Variants in ATP8A1 observed in about 807,000 individuals in gnomAD.
The protein encoded by ATP8A1 is phospholipid-transporting ATPase IA.
In ATP8A1, 90 loss-of-function variants were observed where a neutral mutation model predicts 177.7. The observed-to-expected ratio is 0.51, with a 90% CI of 0.43 to 0.60. The LOEUF is 0.60. Among genes scored for constraint, ATP8A1 ranks in the 20% least tolerant of loss-of-function variants. The probability of loss-of-function intolerance (pLI) is 0.00; values close to 1 mark genes in which losing one functional copy is unlikely to be tolerated. For missense variants in ATP8A1, 1,072 were observed against 1,392.8 expected (o/e 0.77, Z 3.67); for synonymous variants, 493 against 485.9 (o/e 1.01, Z -0.19).
chr4:42,614,865 CCT>C (rs1736742359), intron 5 of ATP8A1, among the ~76,000 whole-genome samples: 2 of 152,176 alleles, frequency 1.3e-5, no homozygotes, highest in South Asian at 4.1e-4. Flanking sequence ...CTTCTCCATT[CCT>C]CTCTGTTCAT....
chr4:42,416,625 C>G (rs1223361837), intron 35 of ATP8A1, among the ~76,000 whole-genome samples: 1 of 152,102 alleles, frequency 6.6e-6, no homozygotes, highest in Non-Finnish European at 1.5e-5. Flanking sequence ...AGATCATGGG[C>G]TCTGGAGTAG....
In ATP8A1 at chr4:42,574,644, ACTT is replaced by A. The variant is rs1391288799; in HGVS notation, c.1267_1269del (p.Lys423del). The A allele has an allele frequency of 6.2e-7, 1 of 1,609,848 alleles. No homozygotes were observed. The highest frequency in any genetic ancestry group is 1.3e-5 in the African/African-American group (1 of 74,726). ...CCATAAGCAACTCCCGCTATGGTGC[ACTT>A]CTTAAACTGCATTACATTGCATGTC... is the stretch of plus-strand genomic sequence containing the variant. On this transcript the variant is annotated inframe_deletion, in exon 14 of 37. Coordinates refer to ENST00000381668, the MANE Select transcript of ATP8A1 (RefSeq NM_006095.2).
intron 22 of ATP8A1, among the ~76,000 whole-genome samples, chr4:42,520,215 CAATTT>C: frequency 6.6e-6 from 1 of 152,066 alleles, no homozygotes; most frequent in Admixed American, 6.6e-5. Context: ...CAAGTGGAAA[CAATTT>C]AATATGTTTA....
intron 5 of ATP8A1, among the ~76,000 whole-genome samples, chr4:42,602,439 G>C (rs1229247164): frequency 6.6e-6 from 1 of 152,162 alleles, no homozygotes; most frequent in East Asian, 1.9e-4. Context: ...CCAACAGTAT[G>C]TTCCTCAAAA....
intron 22 of ATP8A1, among the ~76,000 whole-genome samples, chr4:42,509,544 T>A (rs944924355): frequency 2.0e-5 from 3 of 152,170 alleles, no homozygotes; most frequent in African/African-American, 4.8e-5. Context: ...ACTTGGTTCA[T>A]CCTCTAAAAC....
chr4:42,528,882 A>C (rs916904563), intron 20 of ATP8A1, among the ~76,000 whole-genome samples: 1 of 152,162 alleles, frequency 6.6e-6, no homozygotes, highest in African/African-American at 2.4e-5. Context: ...CCTGACTAAA[A>C]TTAAGGGACC....
intron 1 of ATP8A1, 79 bp downstream of exon 1, chr4:42,656,746 T>C (rs1741672130): frequency 1.6e-5 from 22 of 1,397,338 alleles, no homozygotes; most frequent in Non-Finnish European, 2.1e-5. Context: ...ATGCGGTCTC[T>C]TCCAGGATAA....
rs113437832 is a variant in ATP8A1 at position 42,639,156 on chromosome 4, T to G, written c.50-12047A>C. On this transcript the variant is annotated intron_variant, in intron 1 of 36. Coordinates refer to ENST00000381668, the MANE Select transcript of ATP8A1 (RefSeq NM_006095.2). Reference sequence around the variant, plus strand: ...AAGGCGGGGAGGTGGTCAGGGAGGGTTGAAGGAGTTGTATTTAGAGACCAC... The same window carrying G: ...AAGGCGGGGAGGTGGTCAGGGAGGGGTGAAGGAGTTGTATTTAGAGACCAC... Among the ~76,000 whole-genome samples the G allele has an allele frequency of 3.0e-3, 450 of 151,736 alleles. 1 individual carries two copies. Among genetic ancestry groups the G allele is most frequent in the African/African-American group, 9.9e-3 (409 of 41,346 alleles).
intron 30 of ATP8A1, 105 bp from the exon 31 acceptor site, chr4:42,446,749 C>T: frequency 2.3e-6 from 2 of 865,474 alleles, no homozygotes; most frequent in African/African-American, 1.7e-5. Context: ...TCAAGGGATA[C>T]ACAATGGAGC....
At chr4:42,446,010 G>A (rs1342995918) in intron 31 of ATP8A1, among the ~76,000 whole-genome samples, 1 of 145,550 alleles carries the variant, frequency 6.9e-6, no homozygotes, top group African/African-American at 2.5e-5. Context: ...AACCCATGAG[G>A]CAGAGGCTGC....
chr4:42,488,686 C>T (rs754902001), intron 24 of ATP8A1, among the ~76,000 whole-genome samples: 6 of 152,140 alleles, frequency 3.9e-5, no homozygotes, highest in Non-Finnish European at 7.4e-5. Context: ...CTTTCCTTCC[C>T]AGTGCCCTTC....
At position 42,575,501 on chromosome 4, in the gene ATP8A1, T is replaced by C. The variant is rs1030216167; in HGVS notation, c.1206+121A>G. 2.9e-5 allele frequency: 22 copies of C among 759,616 alleles called. No individual in the cohort carries two copies. The Admixed American group carries it at 4.6e-4, about 16-fold the overall frequency. 47.1% of individuals were successfully genotyped at this position (759,616 alleles called of 1,614,324 possible). On this transcript the variant is annotated intron_variant, in intron 13 of 36. Transcript: ENST00000381668. The stretch of plus-strand genomic sequence containing the variant: ...ATTGTTCATCATGCACTAACAAATA[T>C]ATTATTCAAATAGTGGAAAATTAAA...
chr4:42,550,714 T>C (rs1729417325), intron 18 of ATP8A1, among the ~76,000 whole-genome samples: 1 of 152,208 alleles, frequency 6.6e-6, no homozygotes, highest in Non-Finnish European at 1.5e-5. Context: ...GGAGAATCAC[T>C]TGGGTAGGTA....
At chr4:42,571,561 C>G (rs1577613874) in intron 14 of ATP8A1, among the ~76,000 whole-genome samples, 3 of 151,666 alleles carry the variant, frequency 2.0e-5, no homozygotes, top group Admixed American at 2.0e-4. Flanking sequence ...AAACTGCTTA[C>G]CTATTCCGGG....
At chr4:42,436,472 C>T (rs534462164) in intron 33 of ATP8A1, among the ~76,000 whole-genome samples, 1 of 152,350 alleles carries the variant, frequency 6.6e-6, no homozygotes, top group Non-Finnish European at 1.5e-5. Context: ...ATACCCATGT[C>T]TCCCTTTTCC....
At chr4:42,479,017 C>A (rs944360392) in intron 25 of ATP8A1, among the ~76,000 whole-genome samples, 1 of 152,178 alleles carries the variant, frequency 6.6e-6, no homozygotes, top group African/African-American at 2.4e-5. Context: ...CTTGGAGAGA[C>A]TAGGAGAGCT....
rs1341792883 is a variant in ATP8A1, at chr4:42,507,172, T to C, written c.1948-18A>G. The C allele has an allele frequency of 6.2e-7, 1 of 1,610,676 alleles. No homozygotes were observed. The highest frequency in any genetic ancestry group is 2.2e-5 in the East Asian group (1 of 44,826). The stretch of plus-strand genomic sequence containing the variant: ...TGAAGATTCTGAAAAAAATTAGTGG[T>C]AGAAATGTTTTAAAAATCCGTTCAT... On this transcript the variant is annotated intron_variant, in intron 22 of 36. Transcript: ENST00000381668.
chr4:42,492,559 T>C (rs1722840912), intron 24 of ATP8A1, among the ~76,000 whole-genome samples: 3 of 152,158 alleles, frequency 2.0e-5, no homozygotes, highest in Admixed American at 1.3e-4. Flanking sequence ...AAGAAGACAC[T>C]GTCTATGAAC....
rs990211525 is a variant in ATP8A1 at position 42,411,871 on chromosome 4, C to G, written c.*1045G>C. ...TCACCATAACACTGGGTGTGCTACACAAGACACAGGCATCTCTAGTGGGAA... is the reference window on the plus strand; with the variant it reads ...TCACCATAACACTGGGTGTGCTACAGAAGACACAGGCATCTCTAGTGGGAA... On this transcript the variant is annotated 3_prime_UTR_variant, in exon 37 of 37. Coordinates refer to ENST00000381668, the MANE Select transcript of ATP8A1 (RefSeq NM_006095.2). 16 of 152,202 alleles carry G rather than the reference C, an allele frequency of 1.1e-4. No homozygotes were observed. Among genetic ancestry groups the G allele is most frequent in the African/African-American group, 3.9e-4 (16 of 41,456 alleles). 9.4% of individuals were successfully genotyped at this position (152,202 alleles called of 1,614,324 possible). A position where few individuals can be genotyped will look rare whatever the true frequency, so the allele number is the denominator to read the frequency against.
Sources: gnomAD v4.1 joint callset for allele counts (sites outside exome capture counted in the v4.1 genomes callset) on GRCh38, gnomAD v4.1.1 for gene constraint, MANE v1.5 for transcripts, NCBI Gene and HGNC (gene_info 2026-07-23, HGNC 2026-07-21) for gene names.